GTF3A: variants seen among roughly 807,000 people sequenced by gnomAD.
The protein encoded by GTF3A is transcription factor IIIA.
In GTF3A, 40 loss-of-function variants were observed where a neutral mutation model predicts 37.6. The observed-to-expected ratio is 1.06, with a 90% CI of 0.83 to 1.38. The LOEUF is 1.38. Among genes scored for constraint, GTF3A ranks in the 40% most tolerant of loss-of-function variants. GTF3A has a pLI of 0.00. For missense variants in GTF3A, 500 were observed against 462.6 expected, an observed-to-expected ratio of 1.08 and a Z score of -0.74; for synonymous variants, 191 against 166.7, an observed-to-expected ratio of 1.15 and a Z score of -1.12.
At chr13:27,431,280 A>T (rs188468561) in intron 4 of GTF3A, among the ~76,000 whole-genome samples, 1 of 152,318 alleles carries the variant, frequency 6.6e-6, no homozygotes, top group East Asian at 1.9e-4. Flanking sequence ...GCCTCGTAGT[A>T]TAATCTGAAG....
intron 1 of GTF3A, among the ~76,000 whole-genome samples, chr13:27,426,549 G>T (rs578118434): frequency 6.6e-6 from 1 of 152,318 alleles, no homozygotes; most frequent in South Asian, 2.1e-4. Context: ...TACAAAAGGT[G>T]GTTGCATTTA....
Position 27,424,678 on chromosome 13 carries a change from CCGGCACGTGTCT to C in GTF3A, c.-50_-39del. The stretch of plus-strand genomic sequence containing the variant: ...AGCCGTGGGCCGGGCGCGCCGGTTC[CCGGCACGTGTCT>C]CGGCACGTGGCAGCGCGCCTGGCCC... On this transcript the variant is annotated 5_prime_UTR_variant, in exon 1 of 9. Coordinates refer to ENST00000381140, the MANE Select transcript of GTF3A (RefSeq NM_002097.3). 8.0e-7 allele frequency: 1 copy of C among 1,253,794 alleles called. No homozygotes were observed. Among genetic ancestry groups the C allele is most frequent in the South Asian group, 1.9e-5 (1 of 52,720 alleles). 77.7% of individuals were successfully genotyped at this position (1,253,794 alleles called of 1,614,324 possible).
At position 27,434,941 on chromosome 13, in the gene GTF3A, G is replaced by A. The variant is rs1218511917; in HGVS notation, c.780G>A (p.Val260=). Residue 260 remains valine, a synonymous_variant, in exon 7 of 9, where the codon GTG becomes GTA. Transcript: ENST00000381140. ...GCTGTGGAAGAACCTATACAACTGT[G>A]TTTAATCTCCAAAGCCATATCCTCT... 15 of 1,610,942 alleles carry A rather than the reference G, an allele frequency of 9.3e-6. No homozygotes were observed. The highest frequency in any genetic ancestry group is 1.2e-5 in the Non-Finnish European group (14 of 1,177,146).
Position 27,429,930 on chromosome 13 carries a change from T to C in GTF3A, c.363T>C (p.Phe121=). ...CAAAATCAAACTTGAAGAAACATTT[T>C]GAACGCAAACATGAAAATCAACAAA... The change falls in exon 3 of 9, where the codon TTT becomes TTC. Residue 121 remains phenylalanine (F), a synonymous_variant. Transcript: ENST00000381140. The C allele has an allele frequency of 6.5e-7, 1 of 1,538,242 alleles. No individual in the cohort carries two copies. The highest frequency in any genetic ancestry group is 8.8e-7 in the Non-Finnish European group (1 of 1,141,670).
rs1953684347 is a variant in GTF3A at position 27,434,063 on chromosome 13, C to CTAAG, written c.563-74_563-71dup. 6 of 733,852 alleles carry CTAAG rather than the reference C, an allele frequency of 8.2e-6. No homozygotes were observed. The South Asian group carries it at 9.0e-5, about 11-fold the overall frequency. 45.5% of individuals were successfully genotyped at this position (733,852 alleles called of 1,614,324 possible). ...GGGGAATGGAAAATTATATAGGCAC[C>CTAAG]TAAGTTTCCTTTCTAGTTATGGTCA... On this transcript the variant is annotated intron_variant, in intron 5 of 8. Transcript: ENST00000381140.
intron 4 of GTF3A, among the ~76,000 whole-genome samples, chr13:27,432,143 G>A (rs1001194290): frequency 6.6e-6 from 1 of 152,184 alleles, no homozygotes; most frequent in Non-Finnish European, 1.5e-5. Flanking sequence ...AAGGGCCAGC[G>A]GCTCTCTGCA....
In GTF3A at chr13:27,435,791, G is replaced by A. The variant is rs148885989; in HGVS notation, c.*194G>A. Reference sequence around the variant, plus strand: ...TTCTCCTCATTTTTGCTGAAAGCACGAAGAACACACATTAAAGCTTTTCCT... The same window carrying A: ...TTCTCCTCATTTTTGCTGAAAGCACAAAGAACACACATTAAAGCTTTTCCT... On this transcript the variant is annotated 3_prime_UTR_variant, in exon 9 of 9. Transcript: ENST00000381140. 40 of 1,613,952 alleles carry A rather than the reference G, an allele frequency of 2.5e-5. No individual in the cohort carries two copies. The highest frequency in any genetic ancestry group is 2.0e-4 in the African/African-American group (15 of 74,898).
intron 4 of GTF3A, among the ~76,000 whole-genome samples, chr13:27,430,835 T>C (rs1283972950): frequency 1.3e-5 from 2 of 152,374 alleles, no homozygotes; most frequent in Non-Finnish European, 2.9e-5. Flanking sequence ...CTTTATTGGA[T>C]GCATAATGTG....
rs1450231025 is a variant in GTF3A, at chr13:27,435,171, C to G, written c.912C>G (p.Asp304Glu). 1 of 1,598,782 alleles carries G rather than the reference C, an allele frequency of 6.3e-7. No individual in the cohort carries two copies. The highest frequency in any genetic ancestry group is 1.4e-5 in the African/African-American group (1 of 73,818). ...GGCATGCTGTTGTACATGATCCTGA[C>G]AAGAAGAAAATGAAGCTCAAAGTAA... Residue 304 changes from aspartate (D) to glutamate (E), a missense_variant, in exon 8 of 9, where the codon GAC (aspartate) becomes GAG (glutamate). By Grantham distance (45) the Asp-to-Glu change is conservative (BLOSUM62 2). Coordinates refer to ENST00000381140, the MANE Select transcript of GTF3A (RefSeq NM_002097.3).
At chr13:27,434,540 T>TA in intron 6 of GTF3A, 1 of 557,852 alleles carries the variant, frequency 1.8e-6, no homozygotes, top group African/African-American at 1.9e-5. Context: ...CTGGTCTGCT[T>TA]CATTTTCTGT....
rs1197995689 is a variant in GTF3A at position 27,430,581 on chromosome 13, A to C, written c.448A>C (p.Lys150Gln). ...GACCTTTAAGAAACATCAGCAGCTG[A>C]AAATCCATCAGTGCCAGCATACCAA... Residue 150 changes from lysine (K) to glutamine (Q), a missense_variant, in exon 4 of 9, where the codon AAA becomes CAA. Coordinates refer to ENST00000381140, the MANE Select transcript of GTF3A (RefSeq NM_002097.3). 5 of 1,612,548 alleles carry C rather than the reference A, an allele frequency of 3.1e-6. No individual in the cohort carries two copies. The African/African-American group carries it at 6.7e-5, about 22-fold the overall frequency.
intron 5 of GTF3A, 62 bp downstream of exon 5, chr13:27,432,866 C>T (rs1021723773): frequency 2.0e-5 from 27 of 1,341,416 alleles, no homozygotes; most frequent in Non-Finnish European, 2.8e-5. Flanking sequence ...GCCTTTGAAT[C>T]TGTTCTGTGA....
chr13:27,428,386 C>A (rs938419236), intron 2 of GTF3A, among the ~76,000 whole-genome samples: 11 of 152,174 alleles, frequency 7.2e-5, no homozygotes, highest in Non-Finnish European at 1.2e-4. Flanking sequence ...AGTTTGCAGG[C>A]CAGCCCTCTC....
rs1447281102 is a variant in GTF3A, at chr13:27,434,968, C to G, written c.807C>G (p.Ser269=). 2 of 1,611,986 alleles carry G rather than the reference C, an allele frequency of 1.2e-6. No individual in the cohort carries two copies. Among genetic ancestry groups the G allele is most frequent in the Non-Finnish European group, 1.7e-6 (2 of 1,177,998 alleles). ...TTAATCTCCAAAGCCATATCCTCTCCTTCCATGAGGAAAGCCGCCCTTTTG... is the reference window on the plus strand; with the variant it reads ...TTAATCTCCAAAGCCATATCCTCTCGTTCCATGAGGAAAGCCGCCCTTTTG... The change falls in exon 7 of 9, where the codon TCC becomes TCG. Residue 269 remains serine, a synonymous_variant. Coordinates refer to ENST00000381140, the MANE Select transcript of GTF3A (RefSeq NM_002097.3).
chr13:27,425,047 C>T (rs768910464), intron 1 of GTF3A, 109 bp downstream of exon 1: 1 of 722,684 alleles, frequency 1.4e-6, no homozygotes, highest in Non-Finnish European at 2.2e-6. Context: ...GCGCGTTCAG[C>T]TTTGACATCC....
At position 27,424,911 on chromosome 13, in the gene GTF3A, C is replaced by T. The variant is rs2138019658; in HGVS notation, c.174C>T (p.Asp58=). The change falls in exon 1 of 9, where the codon GAC becomes GAT. Residue 58 remains aspartate (D), a synonymous_variant. Transcript: ENST00000381140. ...ATTACAGCAAAGCCTGGAAGCTTGA[C>T]GCGCACCTGTGCAAGCACACGGGGG... 3 of 1,549,522 alleles carry T rather than the reference C, an allele frequency of 1.9e-6. No individual in the cohort carries two copies. In the South Asian group the frequency reaches 3.6e-5, roughly 19 times the overall value.
intron 4 of GTF3A, among the ~76,000 whole-genome samples, chr13:27,432,482 G>A (rs1953665891): frequency 6.6e-6 from 1 of 152,146 alleles, no homozygotes; most frequent in South Asian, 2.1e-4. Flanking sequence ...ATTTCCAGAG[G>A]TATAAAGATG....
chr13:27,430,960 C>G (rs1953652165), intron 4 of GTF3A, among the ~76,000 whole-genome samples: 1 of 152,098 alleles, frequency 6.6e-6, no homozygotes, highest in African/African-American at 2.4e-5. Context: ...ATTTTTGTTG[C>G]ATTTGCTTTC....
At chr13:27,431,451 C>T (rs1333671509) in intron 4 of GTF3A, among the ~76,000 whole-genome samples, 1 of 152,186 alleles carries the variant, frequency 6.6e-6, no homozygotes, top group Admixed American at 6.5e-5. Flanking sequence ...GAATACTACA[C>T]AGCCATAAAA....
Sources: gnomAD v4.1 joint callset for allele counts (sites outside exome capture counted in the v4.1 genomes callset) on GRCh38, gnomAD v4.1.1 for gene constraint, MANE v1.5 for transcripts, NCBI Gene and HGNC (gene_info 2026-07-23, HGNC 2026-07-21) for gene names.